Variants in CPLX4 observed in about 807,000 individuals in gnomAD.
The protein encoded by CPLX4 is complexin-4.
CPLX4 carries 17 observed loss-of-function variants against 16.1 expected under a neutral mutation model. The observed-to-expected ratio is 1.06, with a 90% confidence interval of 0.72 to 1.59. CPLX4 has a LOEUF of 1.59. CPLX4 is among the 40% of genes most tolerant of loss of function. CPLX4 has a pLI of 0.00. For missense variants in CPLX4, 193 were observed against 192.9 expected, an observed-to-expected ratio of 1.00 and a Z score of 0.00; for synonymous variants, 55 against 57.8, an observed-to-expected ratio of 0.95 and a Z score of 0.22.
Position 59,296,445 on chromosome 18 carries a change from A to G in CPLX4, c.*253T>C. 1.9e-6 allele frequency: 1 copy of G among 532,358 alleles called. No homozygotes were observed. The highest frequency in any genetic ancestry group is 3.3e-6 in the Non-Finnish European group (1 of 302,400). The allele number at this position is 532,358 out of a possible 1,614,324, so 33.0% of individuals were successfully genotyped here. On this transcript the variant is annotated 3_prime_UTR_variant, in exon 3 of 3. Transcript: ENST00000299721. The stretch of plus-strand genomic sequence containing the variant: ...GTCTTTAAGCAGATATGTGTTCTGC[A>G]TCATCATTTACAACTGAAATTTTCC...
At position 59,305,326 on chromosome 18, in the gene CPLX4, C is replaced by T. The variant is rs1308240273; in HGVS notation, c.255+7359G>A. 5.3e-5 allele frequency among the ~76,000 whole-genome samples: 8 copies of T among 151,304 alleles called. No individual in the cohort carries two copies. In the South Asian group the frequency reaches 6.3e-4, roughly 12 times the overall value. On this transcript the variant is annotated intron_variant, in intron 2 of 2. Coordinates refer to ENST00000299721, the MANE Select transcript of CPLX4 (RefSeq NM_181654.4). Reference sequence around the variant, plus strand: ...ATCATGGCATACAGGACAAGGAGTTCGGATTTTATTCTAAAAGACATAGTG... The same window carrying T: ...ATCATGGCATACAGGACAAGGAGTTTGGATTTTATTCTAAAAGACATAGTG...
Position 59,296,369 on chromosome 18 carries a change from A to G in CPLX4, c.*329T>C, listed in dbSNP as rs914814789. On this transcript the variant is annotated 3_prime_UTR_variant, in exon 3 of 3. Coordinates refer to ENST00000299721, the MANE Select transcript of CPLX4 (RefSeq NM_181654.4). Reference sequence around the variant, plus strand: ...TGAGAACTTGGCCTCCAAGGAAGAAAGTTGGAGAGGAAATGCCCCTTGCTT... The same window carrying G: ...TGAGAACTTGGCCTCCAAGGAAGAAGGTTGGAGAGGAAATGCCCCTTGCTT... The G allele has an allele frequency of 9.3e-6, 3 of 321,198 alleles. No homozygotes were observed. Among genetic ancestry groups the G allele is most frequent in the East Asian group, 1.0e-4 (1 of 9,928 alleles). The allele number at this position is 321,198 out of a possible 1,614,324, so 19.9% of individuals were successfully genotyped here.
At chr18:59,305,699 C>T (rs2070572008) in intron 2 of CPLX4, among the ~76,000 whole-genome samples, 1 of 152,116 alleles carries the variant, frequency 6.6e-6, no homozygotes, top group Non-Finnish European at 1.5e-5. Flanking sequence ...GGAAAGGTGG[C>T]TGCAGTTATG....
At chr18:59,300,608 G>T (rs28582141) in intron 2 of CPLX4, among the ~76,000 whole-genome samples, 5,606 of 152,214 alleles carry the variant, frequency 0.037, 338 homozygotes, top group African/African-American at 0.13. Flanking sequence ...TTATTTCCTT[G>T]TCTGTATATG....
chr18:59,317,457 T>C (rs112136523), intron 1 of CPLX4, among the ~76,000 whole-genome samples: 2,086 of 152,236 alleles, frequency 0.014, 52 homozygotes, highest in African/African-American at 0.048. Context: ...GTTGGTGATA[T>C]TCACATTCTA....
chr18:59,312,492 A>G (rs1214170324), intron 2 of CPLX4, among the ~76,000 whole-genome samples, 193 bp downstream of exon 2: 2 of 147,840 alleles, frequency 1.4e-5, no homozygotes, highest in Admixed American at 6.8e-5. Flanking sequence ...ATGTGTATAT[A>G]TATATCCTGA....
chr18:59,297,865 C>A (rs2070512422), intron 2 of CPLX4, among the ~76,000 whole-genome samples: 1 of 152,180 alleles, frequency 6.6e-6, no homozygotes, highest in Non-Finnish European at 1.5e-5. Flanking sequence ...GTCATGGGCT[C>A]TTGTCAGATT....
Position 59,296,837 on chromosome 18 carries a change from T to C in CPLX4, c.344A>G (p.Glu115Gly), listed in dbSNP as rs2070504944. 5.6e-6 allele frequency: 9 copies of C among 1,613,924 alleles called. No homozygotes were observed. The highest frequency in any genetic ancestry group is 1.3e-5 in the African/African-American group (1 of 75,010). ...DLRKMVDEDQ[E>G]EEEDKDSILG... is the part of the protein sequence containing the mutation. The stretch of plus-strand genomic sequence containing the variant: ...AATAGAATCTTTATCTTCTTCCTCT[T>C]CTTGATCTTCATCTACCATTTTCCG... The change falls in exon 3 of 3, where the codon GAA becomes GGA. Residue 115 changes from glutamate to glycine, a missense_variant. Glu to Gly is a moderately conservative substitution (Grantham distance 98). Transcript: ENST00000299721.
chr18:59,308,946 T>C (rs1269140102), intron 2 of CPLX4, among the ~76,000 whole-genome samples: 1 of 152,156 alleles, frequency 6.6e-6, no homozygotes, highest in Non-Finnish European at 1.5e-5. Context: ...GTGGGGCTGG[T>C]TTGCAAGCGC....
intron 2 of CPLX4, among the ~76,000 whole-genome samples, chr18:59,311,077 T>C (rs935811346): frequency 6.6e-6 from 1 of 151,652 alleles, no homozygotes; most frequent in Non-Finnish European, 1.5e-5. Flanking sequence ...CGCAGTAGCA[T>C]GAATCCGACT....
chr18:59,309,229 T>C (rs1013633944), intron 2 of CPLX4, among the ~76,000 whole-genome samples: 9 of 152,302 alleles, frequency 5.9e-5, no homozygotes, highest in African/African-American at 1.9e-4. Flanking sequence ...TTCCATACCA[T>C]AGGCACGGTT....
chr18:59,318,427 C>G lies in CPLX4; in HGVS notation c.36G>C (p.Gln12His). The G allele has an allele frequency of 6.2e-7, 1 of 1,613,488 alleles. No homozygotes were observed. Among genetic ancestry groups the G allele is most frequent in the Non-Finnish European group, 8.5e-7 (1 of 1,179,726 alleles). ...AFLMKSMISN[Q>H]VKNLGFGGGS... ...CACCACCAAATCCTAAATTCTTTACCTGGTTACTTATCATACTTTTCATAA... is the reference window on the plus strand; with the variant it reads ...CACCACCAAATCCTAAATTCTTTACGTGGTTACTTATCATACTTTTCATAA... Residue 12 changes from glutamine (Q) to histidine (H), a missense_variant, in exon 1 of 3, where the codon CAG (glutamine) becomes CAC (histidine). By Grantham distance (24) the Gln-to-His change is conservative. Coordinates refer to ENST00000299721, the MANE Select transcript of CPLX4 (RefSeq NM_181654.4).
chr18:59,303,305 G>T (rs561359817), intron 2 of CPLX4, among the ~76,000 whole-genome samples: 1 of 152,326 alleles, frequency 6.6e-6, no homozygotes, highest in Non-Finnish European at 1.5e-5. Context: ...TTGAAAGTGT[G>T]CATGCGTTGG....
At chr18:59,306,468 T>C (rs761229483) in intron 2 of CPLX4, among the ~76,000 whole-genome samples, 35 of 152,204 alleles carry the variant, frequency 2.3e-4, no homozygotes, top group Non-Finnish European at 4.4e-4. Context: ...AAATTAACAA[T>C]GGTCACCAAA....
At position 59,296,538 on chromosome 18, in the gene CPLX4, C is replaced by G; in HGVS notation, c.*160G>C. On this transcript the variant is annotated 3_prime_UTR_variant, in exon 3 of 3. Coordinates refer to ENST00000299721, the MANE Select transcript of CPLX4 (RefSeq NM_181654.4). ...TGCAAGGTGTTAGCTAAATGCTCTG[C>G]CAGGAATATTTAGAACAACCAAATT... The G allele has an allele frequency of 1.4e-6, 1 of 740,246 alleles. No homozygotes were observed. Among genetic ancestry groups the G allele is most frequent in the Non-Finnish European group, 2.2e-6 (1 of 445,734 alleles). The allele number at this position is 740,246 out of a possible 1,614,324, so 45.9% of individuals were successfully genotyped here.
chr18:59,315,096 C>A (rs1353529112), intron 1 of CPLX4, among the ~76,000 whole-genome samples: 2 of 152,158 alleles, frequency 1.3e-5, no homozygotes, highest in Non-Finnish European at 2.9e-5. Flanking sequence ...AGAAACAGCA[C>A]GACCTTTCTC....
At chr18:59,305,400 G>A (rs1053092881) in intron 2 of CPLX4, among the ~76,000 whole-genome samples, 3 of 152,034 alleles carry the variant, frequency 2.0e-5, no homozygotes, top group African/African-American at 7.3e-5. Context: ...GAAAGAAACA[G>A]GATCAGATTT....
intron 2 of CPLX4, among the ~76,000 whole-genome samples, chr18:59,305,253 C>T (rs1022703466): frequency 6.6e-6 from 1 of 151,966 alleles, no homozygotes; most frequent in Non-Finnish European, 1.5e-5. Flanking sequence ...AGTGCTAGTC[C>T]AGGCAGGGAG....
intron 2 of CPLX4, among the ~76,000 whole-genome samples, chr18:59,309,386 G>A (rs1357542222): frequency 3.3e-5 from 5 of 152,188 alleles, no homozygotes; most frequent in Admixed American, 3.3e-4. Flanking sequence ...TGTTTGTTTG[G>A]ATTGTATTTG....
Sources: gnomAD v4.1 joint callset for allele counts (sites outside exome capture counted in the v4.1 genomes callset) on GRCh38, gnomAD v4.1.1 for gene constraint, MANE v1.5 for transcripts, NCBI Gene and HGNC (gene_info 2026-07-23, HGNC 2026-07-21) for gene names.